HGF: variants seen among roughly 807,000 people sequenced by gnomAD.
HGF encodes the protein hepatocyte growth factor.
A neutral mutation model predicts 111.6 loss-of-function variants in HGF; 39 were observed. The ratio of observed to expected loss-of-function variants is 0.35; its 90% CI spans 0.27 to 0.46. The LOEUF is 0.46. Among genes scored for constraint, HGF ranks in the 20% least tolerant of loss-of-function variants. The probability of loss-of-function intolerance (pLI) is 1.00; values close to 1 mark genes in which losing one functional copy is unlikely to be tolerated. For missense variants in HGF, 735 were observed against 910.5 expected, an observed-to-expected ratio of 0.81 and a Z score of 2.48; for synonymous variants, 285 against 294.8, an observed-to-expected ratio of 0.97 and a Z score of 0.34.
intron 5 of HGF, chr7:81,751,230 C>G: frequency 1.0e-6 from 1 of 965,640 alleles, no homozygotes; most frequent in Non-Finnish European, 1.2e-6. Context: ...TCCAGTAGTC[C>G]CCCTCCCCAA....
intron 10 of HGF, among the ~76,000 whole-genome samples, chr7:81,718,858 A>G (rs1019632129): frequency 6.6e-6 from 1 of 152,208 alleles, no homozygotes; most frequent in African/African-American, 2.4e-5. Context: ...TCACAAGTCC[A>G]TAAGAGCAAT....
intron 5 of HGF, chr7:81,751,149 G>A (rs893523422): frequency 3.3e-6 from 3 of 896,072 alleles, no homozygotes; most frequent in Admixed American, 6.2e-5. Flanking sequence ...TATTTATGGA[G>A]GAAATATTTT....
intron 11 of HGF, among the ~76,000 whole-genome samples, chr7:81,714,666 A>G (rs1789664016): frequency 4.6e-5 from 7 of 152,118 alleles, no homozygotes; most frequent in Admixed American, 3.9e-4. Flanking sequence ...TATTTGATAA[A>G]CTTAAAAATA....
chr7:81,719,427 T>C (rs1178861725), intron 10 of HGF, among the ~76,000 whole-genome samples: 1 of 152,166 alleles, frequency 6.6e-6, no homozygotes, highest in African/African-American at 2.4e-5. Flanking sequence ...CCAGTGTCAA[T>C]ATAGTAGCCA....
Position 81,717,480 on chromosome 7 carries a change from C to A in HGF, c.1272-115G>T, listed in dbSNP as rs2115850358. On this transcript the variant is annotated intron_variant, in intron 10 of 17. Transcript: ENST00000222390. ...TACTTTCACTGTAGATACAGCATAACCTTTTACTTGGGATGAATTTTAGCT... is the reference window on the plus strand; with the variant it reads ...TACTTTCACTGTAGATACAGCATAAACTTTTACTTGGGATGAATTTTAGCT... The A allele has an allele frequency of 2.9e-6, 3 of 1,043,616 alleles. No homozygotes were observed. In the East Asian group the frequency reaches 7.3e-5, roughly 26 times the overall value. The allele number at this position is 1,043,616 out of a possible 1,614,324, so 64.6% of individuals were successfully genotyped here. A position where few individuals can be genotyped will look rare whatever the true frequency, so the allele number is the denominator to read the frequency against.
At chr7:81,742,116 A>G (rs1404462628) in intron 7 of HGF, among the ~76,000 whole-genome samples, 1 of 152,152 alleles carries the variant, frequency 6.6e-6, no homozygotes, top group East Asian at 1.9e-4. Context: ...ACACTGTCAC[A>G]GGAGTCATCT....
intron 5 of HGF, among the ~76,000 whole-genome samples, chr7:81,750,430 C>T (rs1338018339): frequency 6.6e-6 from 1 of 152,072 alleles, no homozygotes; most frequent in Non-Finnish European, 1.5e-5. Context: ...CATCATGTGC[C>T]ATTAATACCA....
intron 1 of HGF, among the ~76,000 whole-genome samples, chr7:81,767,646 T>C (rs1420792752): frequency 2.6e-5 from 4 of 152,208 alleles, no homozygotes; most frequent in Non-Finnish European, 4.4e-5. Flanking sequence ...CCTACAAAGA[T>C]GGCGGGGGCC....
rs2115778296 is a variant in HGF, at chr7:81,707,276, TA to T, written c.1616+13del. On this transcript the variant is annotated intron_variant, in intron 14 of 17. Transcript: ENST00000222390. ...TAAAGGCTCAAAATAATACTAGTTTTAAAAACACTTTACCGAGAAGGGAAAC... is the reference window on the plus strand; with the variant it reads ...TAAAGGCTCAAAATAATACTAGTTTTAAAACACTTTACCGAGAAGGGAAAC... 6.6e-7 allele frequency: 1 copy of T among 1,507,998 alleles called. No homozygotes were observed. Among genetic ancestry groups the T allele is most frequent in the Non-Finnish European group, 9.2e-7 (1 of 1,084,138 alleles). 93.4% of individuals were successfully genotyped at this position (1,507,998 alleles called of 1,614,324 possible). A position where few individuals can be genotyped will look rare whatever the true frequency, so the allele number is the denominator to read the frequency against.
At chr7:81,754,418 G>A (rs1036272247) in intron 4 of HGF, among the ~76,000 whole-genome samples, 2 of 151,830 alleles carry the variant, frequency 1.3e-5, no homozygotes, top group Non-Finnish European at 2.9e-5. Flanking sequence ...CTTTCCAGTG[G>A]ATTTGTAAAG....
At chr7:81,710,009 C>A (rs1166356814) in intron 13 of HGF, 138 bp downstream of exon 13, 5 of 688,942 alleles carry the variant, frequency 7.3e-6, no homozygotes, top group African/African-American at 7.1e-5. Context: ...CAGATGTGAT[C>A]AGCTTCCTCT....
Position 81,701,184 on chromosome 7 carries a change from TA to T in HGF, c.*1396del, listed in dbSNP as rs1383620960. 6.6e-6 allele frequency: 1 copy of T among 151,452 alleles called. No individual in the cohort carries two copies. The highest frequency in any genetic ancestry group is 6.6e-5 in the Admixed American group (1 of 15,134). 9.4% of individuals were successfully genotyped at this position (151,452 alleles called of 1,614,324 possible). A position where few individuals can be genotyped will look rare whatever the true frequency, so the allele number is the denominator to read the frequency against. ...CAGAACACAAAATTTAAATGTCTGT[TA>T]CATATGGCATTAGGAGTGAACTTTG... On this transcript the variant is annotated 3_prime_UTR_variant, in exon 18 of 18. Coordinates refer to ENST00000222390, the MANE Select transcript of HGF (RefSeq NM_000601.6).
At position 81,751,712 on chromosome 7, in the gene HGF, T is replaced by G. The variant is rs532069662; in HGVS notation, c.625+408A>C. 12 of 1,040,744 alleles carry G rather than the reference T, an allele frequency of 1.2e-5. No individual in the cohort carries two copies. The East Asian group carries it at 1.0e-3, about 89-fold the overall frequency. 64.5% of individuals were successfully genotyped at this position (1,040,744 alleles called of 1,614,324 possible). On this transcript the variant is annotated intron_variant, in intron 5 of 17. Coordinates refer to ENST00000222390, the MANE Select transcript of HGF (RefSeq NM_000601.6). ...CTTGTCACACCACTTCATGATAGTT[T>G]GGACAGAATTTCTGTGGAAGCAGGT...
rs185893433 is a variant in HGF, at chr7:81,733,822, T to C, written c.866-4043A>G. Among the ~76,000 whole-genome samples the C allele has an allele frequency of 4.2e-3, 644 of 152,242 alleles. 21 individuals carry two copies. The highest frequency in any genetic ancestry group is 0.039 in the Admixed American group (588 of 15,258). ...ATTTAACTGTGATATAAATGTTTGATCTTTGCTGCTCACATACTTACTATT... is the reference window on the plus strand; with the variant it reads ...ATTTAACTGTGATATAAATGTTTGACCTTTGCTGCTCACATACTTACTATT... On this transcript the variant is annotated intron_variant, in intron 7 of 17. Coordinates refer to ENST00000222390, the MANE Select transcript of HGF (RefSeq NM_000601.6).
At chr7:81,728,234 T>A (rs1790071541) in intron 8 of HGF, among the ~76,000 whole-genome samples, 1 of 152,232 alleles carries the variant, frequency 6.6e-6, no homozygotes, top group Non-Finnish European at 1.5e-5. Flanking sequence ...TGTTTGGTTA[T>A]TTAAAACAAA....
At chr7:81,760,059 C>A (rs773639746) in intron 2 of HGF, among the ~76,000 whole-genome samples, 1 of 152,122 alleles carries the variant, frequency 6.6e-6, no homozygotes, top group Non-Finnish European at 1.5e-5. Flanking sequence ...ATGACAAATT[C>A]TTTAAGAAAA....
intron 5 of HGF, among the ~76,000 whole-genome samples, chr7:81,749,271 A>G (rs2116086304): frequency 6.6e-6 from 1 of 152,242 alleles, no homozygotes; most frequent in East Asian, 1.9e-4. Flanking sequence ...TAATTAAAAT[A>G]TATTTACTTG....
chr7:81,759,061 C>T (rs1267503258), intron 2 of HGF, among the ~76,000 whole-genome samples: 2 of 152,006 alleles, frequency 1.3e-5, no homozygotes, highest in Non-Finnish European at 2.9e-5. Context: ...TCATGTTATT[C>T]CAAAAGGCTT....
intron 7 of HGF, chr7:81,742,868 T>C: frequency 1.2e-6 from 2 of 1,606,440 alleles, no homozygotes; most frequent in Non-Finnish European, 1.7e-6. Flanking sequence ...GATAAACTTC[T>C]ATTAGACTCA....
Sources: gnomAD v4.1 joint callset for allele counts (sites outside exome capture counted in the v4.1 genomes callset) on GRCh38, gnomAD v4.1.1 for gene constraint, MANE v1.5 for transcripts, NCBI Gene and HGNC (gene_info 2026-07-23, HGNC 2026-07-21) for gene names.